DTWD2: variants seen among roughly 807,000 people sequenced by gnomAD.
The protein encoded by DTWD2 is DTW motif tRNA-uridine aminocarboxypropyltransferase 2.
A neutral mutation model predicts 31.8 loss-of-function variants in DTWD2; 39 were observed. That is an observed-to-expected ratio of 1.22 (90% CI 0.95 to 1.60). The LOEUF (loss-of-function observed/expected upper bound fraction) is 1.60, where lower values mean the gene tolerates loss of function less well. Ranked by LOEUF, DTWD2 falls within the 40% of genes most tolerant of loss-of-function variation. DTWD2 has a pLI of 0.00. For missense variants in DTWD2, 515 were observed against 381.5 expected (o/e 1.35, Z -2.92); for synonymous variants, 180 against 142.8 (o/e 1.26, Z -1.86).
chr5:118,987,445 C>G (rs2149606966), intron 1 of DTWD2, among the ~76,000 whole-genome samples: 1 of 152,316 alleles, frequency 6.6e-6, no homozygotes, highest in African/African-American at 2.4e-5. Flanking sequence ...ATATTCAGTC[C>G]TTCTGTTCCC....
At chr5:118,846,984 G>GT (rs1329112965) in intron 5 of DTWD2, among the ~76,000 whole-genome samples, 1 of 147,180 alleles carries the variant, frequency 6.8e-6, no homozygotes, top group Non-Finnish European at 1.5e-5. Context: ...GAAAATCCTA[G>GT]TTTTTTCAAA....
chr5:118,952,638 G>A (rs1054629490), intron 1 of DTWD2, among the ~76,000 whole-genome samples: 1 of 152,106 alleles, frequency 6.6e-6, no homozygotes, highest in African/African-American at 2.4e-5. Context: ...TGGGCTCAAA[G>A]GCCTGACAGG....
At chr5:118,983,824 C>A (rs1237321737) in intron 1 of DTWD2, among the ~76,000 whole-genome samples, 1 of 152,198 alleles carries the variant, frequency 6.6e-6, no homozygotes, top group Non-Finnish European at 1.5e-5. Flanking sequence ...AATTCTGCTA[C>A]CTGCCTGTTA....
chr5:118,915,438 A>C lies in DTWD2; in HGVS notation c.597+13099T>G, dbSNP rs534862389. 7.7e-4 allele frequency among the ~76,000 whole-genome samples: 116 copies of C among 149,706 alleles called. 3 individuals are homozygous for C. The East Asian group carries it at 0.02, about 26-fold the overall frequency. The stretch of plus-strand genomic sequence containing the variant: ...CGCCCAGGCTGGAGTGCAGTGGCGC[A>C]ATCTCGGCTCACTGCAAGCTCCACC... On this transcript the variant is annotated intron_variant, in intron 4 of 5. Coordinates refer to ENST00000510708, the MANE Select transcript of DTWD2 (RefSeq NM_173666.4).
chr5:118,866,286 TTTA>T (rs1752379351), intron 4 of DTWD2, among the ~76,000 whole-genome samples: 1 of 152,152 alleles, frequency 6.6e-6, no homozygotes, highest in Admixed American at 6.5e-5. Context: ...GTTTAAAAAT[TTTA>T]TGATTCTTTA....
chr5:118,907,812 C>T (rs1479329054), intron 4 of DTWD2, among the ~76,000 whole-genome samples: 1 of 151,932 alleles, frequency 6.6e-6, no homozygotes, highest in Non-Finnish European at 1.5e-5. Flanking sequence ...GAATTCTTCT[C>T]TTACTCAGGG....
intron 4 of DTWD2, among the ~76,000 whole-genome samples, chr5:118,860,103 G>C (rs1352329848): frequency 6.6e-6 from 1 of 151,790 alleles, no homozygotes; most frequent in African/African-American, 2.4e-5. Context: ...GACTATTACA[G>C]AGTGAGACCC....
At chr5:118,875,112 G>T (rs1471833328) in intron 4 of DTWD2, among the ~76,000 whole-genome samples, 1 of 152,052 alleles carries the variant, frequency 6.6e-6, no homozygotes, top group Non-Finnish European at 1.5e-5. Flanking sequence ...ACCAAACTAA[G>T]ATTCATACGG....
intron 4 of DTWD2, among the ~76,000 whole-genome samples, chr5:118,892,453 A>T (rs1461416666): frequency 1.3e-5 from 2 of 152,150 alleles, no homozygotes; most frequent in Non-Finnish European, 2.9e-5. Context: ...AACCATAATG[A>T]GGTATGACAG....
At chr5:118,929,172 G>A (rs559578727) in intron 3 of DTWD2, among the ~76,000 whole-genome samples, 53 of 152,302 alleles carry the variant, frequency 3.5e-4, no homozygotes, top group African/African-American at 9.6e-4. Context: ...AGAGAAGTTC[G>A]GTTGCATAGG....
intron 4 of DTWD2, among the ~76,000 whole-genome samples, chr5:118,857,522 CTTA>C (rs1752165800): frequency 6.6e-6 from 1 of 152,072 alleles, no homozygotes; most frequent in African/African-American, 2.4e-5. Flanking sequence ...GGGCTGTCTT[CTTA>C]TTAATTTTTC....
At chr5:118,930,949 T>C (rs777473307) in intron 3 of DTWD2, among the ~76,000 whole-genome samples, 8 of 149,296 alleles carry the variant, frequency 5.4e-5, no homozygotes, top group Non-Finnish European at 8.8e-5. Context: ...TATTTTAAAT[T>C]GACTGGTGAT....
chr5:118,968,753 A>G (rs1460441017), intron 1 of DTWD2, among the ~76,000 whole-genome samples: 1 of 152,198 alleles, frequency 6.6e-6, no homozygotes, highest in Non-Finnish European at 1.5e-5. Flanking sequence ...GGCCCTGGGA[A>G]TTCCAGCAAG....
intron 2 of DTWD2, among the ~76,000 whole-genome samples, chr5:118,942,698 C>T (rs1392339371): frequency 6.6e-6 from 1 of 151,988 alleles, no homozygotes; most frequent in African/African-American, 2.4e-5. Flanking sequence ...AAAACACCCA[C>T]ACTAAAAAAG....
In DTWD2 at chr5:118,836,465, C is replaced by T. The variant is rs1751572036; in HGVS notation, c.*4452G>A. 6.6e-6 allele frequency among the ~76,000 whole-genome samples: 1 copy of T among 152,148 alleles called. No individual in the cohort carries two copies. Among genetic ancestry groups the T allele is most frequent in the African/African-American group, 2.4e-5 (1 of 41,416 alleles). On this transcript the variant is annotated 3_prime_UTR_variant, in exon 6 of 6. Transcript: ENST00000510708. ...TCTTGGCCAGGCTGGTCTTGAACTC[C>T]TGACCTCGTGATCTACCCACCTCGG...
intron 4 of DTWD2, among the ~76,000 whole-genome samples, chr5:118,868,705 G>A (rs965708761): frequency 1.3e-5 from 2 of 151,896 alleles, no homozygotes. Flanking sequence ...CAGTTGTGGT[G>A]GCATGTACCT....
chr5:118,970,994 T>C (rs542106963), intron 1 of DTWD2, among the ~76,000 whole-genome samples: 1 of 152,258 alleles, frequency 6.6e-6, no homozygotes, highest in South Asian at 2.1e-4. Context: ...AAGCACTAAA[T>C]ATGGAAAGGA....
At chr5:118,847,208 T>A (rs1486396817) in intron 5 of DTWD2, among the ~76,000 whole-genome samples, 1 of 152,044 alleles carries the variant, frequency 6.6e-6, no homozygotes, top group African/African-American at 2.4e-5. Flanking sequence ...GGCATACTCA[T>A]AACTGTAACC....
chr5:118,848,297 C>T (rs576510500), intron 4 of DTWD2, 79 bp from the exon 5 acceptor site: 11 of 1,320,516 alleles, frequency 8.3e-6, no homozygotes, highest in African/African-American at 4.5e-5. Context: ...ATACTAATTA[C>T]TTTCCTTCCA....
Sources: gnomAD v4.1 joint callset for allele counts (sites outside exome capture counted in the v4.1 genomes callset) on GRCh38, gnomAD v4.1.1 for gene constraint, MANE v1.5 for transcripts, NCBI Gene and HGNC (gene_info 2026-07-23, HGNC 2026-07-21) for gene names.